Variants in CDH18 observed in about 807,000 individuals in gnomAD.
The protein encoded by CDH18 is cadherin 18, also known as cadherin-18.
Under a neutral mutation model 67.9 loss-of-function variants are expected in CDH18, and 31 were observed. The observed-to-expected ratio is 0.46, with a 90% CI of 0.34 to 0.62. CDH18 has a LOEUF of 0.62. CDH18 is among the 20% of genes least tolerant of loss of function. The pLI is 0.01. For missense variants in CDH18, 890 were observed against 975.5 expected (o/e 0.91, Z 1.17); for synonymous variants, 362 against 347.2 (o/e 1.04, Z -0.48).
intron 2 of CDH18, among the ~76,000 whole-genome samples, chr5:19,994,797 ACATGTGTGTCTCTGTGTG>A (rs1735830172): frequency 1.1e-5 from 1 of 92,638 alleles, no homozygotes; most frequent in Non-Finnish European, 2.1e-5. Context: ...AGAGAGATGT[ACATGTGTGTCTCTGTGTG>A]TATATATAAA....
chr5:20,343,924 G>T (rs1220314812), intron 1 of CDH18, among the ~76,000 whole-genome samples: 2 of 152,110 alleles, frequency 1.3e-5, no homozygotes, highest in Non-Finnish European at 2.9e-5. Context: ...ATAACCAAAA[G>T]AAACAGATTA....
intron 7 of CDH18, among the ~76,000 whole-genome samples, chr5:19,580,377 C>A (rs76670076): frequency 0.038 from 5,788 of 151,850 alleles, 322 homozygotes; most frequent in African/African-American, 0.12. Context: ...GGGCTGACAT[C>A]TTGTATTATA....
intron 10 of CDH18, among the ~76,000 whole-genome samples, chr5:19,504,159 A>T (rs902601359): frequency 2.2e-4 from 33 of 152,096 alleles, no homozygotes; most frequent in African/African-American, 8.0e-4. Flanking sequence ...AAAAGTACTG[A>T]GAAGTGGGGG....
chr5:20,276,073 C>A (rs1745788518), intron 1 of CDH18, among the ~76,000 whole-genome samples: 1 of 152,192 alleles, frequency 6.6e-6, no homozygotes, highest in Non-Finnish European at 1.5e-5. Context: ...ATAAATTGCT[C>A]TGAGGTTCTA....
At chr5:20,032,237 GTA>G (rs938628490) in intron 2 of CDH18, among the ~76,000 whole-genome samples, 77 of 149,948 alleles carry the variant, frequency 5.1e-4, no homozygotes, top group Non-Finnish European at 8.7e-4. Context: ...ATATGTGCAT[GTA>G]TATATATATA....
chr5:19,989,404 A>T (rs923921363), upstream of CDH18, among the ~76,000 whole-genome samples: 1 of 152,208 alleles, frequency 6.6e-6, no homozygotes, highest in Non-Finnish European at 1.5e-5. Context: ...TCTAAAGGCA[A>T]GAAGACGTGG....
At chr5:19,885,824 AGTT>A (rs1408739722) in intron 2 of CDH18, among the ~76,000 whole-genome samples, 4 of 152,184 alleles carry the variant, frequency 2.6e-5, no homozygotes, top group South Asian at 2.1e-4. Context: ...ATATGCAATG[AGTT>A]GTTATTGTTA....
At chr5:20,087,565 C>A (rs1160173240) in intron 2 of CDH18, among the ~76,000 whole-genome samples, 5 of 151,906 alleles carry the variant, frequency 3.3e-5, no homozygotes, top group African/African-American at 1.2e-4. Context: ...AAACACCATC[C>A]TTATCAGTCA....
intron 2 of CDH18, among the ~76,000 whole-genome samples, chr5:20,131,037 A>C (rs1214090612): frequency 6.6e-6 from 1 of 152,118 alleles, no homozygotes; most frequent in Non-Finnish European, 1.5e-5. Flanking sequence ...AATTACTTCA[A>C]AACAAAAATC....
intron 1 of CDH18, among the ~76,000 whole-genome samples, chr5:20,395,096 A>T (rs576732190): frequency 6.6e-6 from 1 of 152,284 alleles, no homozygotes; most frequent in South Asian, 2.1e-4. Context: ...CTGGGTATCT[A>T]CCCAAAGGAA....
At chr5:20,181,821 G>T (rs752430123) in intron 2 of CDH18, among the ~76,000 whole-genome samples, 19 of 152,138 alleles carry the variant, frequency 1.2e-4, no homozygotes, top group Admixed American at 5.2e-4. Context: ...CTAATCATAA[G>T]GCTGAAAAAT....
In CDH18 at chr5:20,427,953, G is replaced by A. The variant is rs112116150; in HGVS notation, c.-580+147509C>T. Among the ~76,000 whole-genome samples, 689 of 151,090 alleles carry A rather than the reference G, an allele frequency of 4.6e-3. 54 individuals carry two copies. Among genetic ancestry groups the A allele is most frequent in the African/African-American group, 0.017 (671 of 40,444 alleles). The stretch of plus-strand genomic sequence containing the variant: ...GTTTTTTTGTTTAATTTTACTTTAA[G>A]TTCTAGGATACATGTGCAGAACGTG... On this transcript the variant is annotated intron_variant, in intron 1 of 14. Transcript: ENST00000507958.
intron 2 of CDH18, among the ~76,000 whole-genome samples, chr5:19,974,033 G>A (rs1798271127): frequency 6.6e-6 from 1 of 152,082 alleles, no homozygotes; most frequent in Non-Finnish European, 1.5e-5. Context: ...AGAGATCATG[G>A]TGATTTGAAC....
chr5:20,168,439 A>C (rs1364710489), intron 2 of CDH18, among the ~76,000 whole-genome samples: 1 of 152,074 alleles, frequency 6.6e-6, no homozygotes, highest in African/African-American at 2.4e-5. Flanking sequence ...AATAAACATT[A>C]TTATTTAAAA....
At chr5:20,035,815 AC>A (rs1739812606) in intron 2 of CDH18, among the ~76,000 whole-genome samples, 1 of 152,062 alleles carries the variant, frequency 6.6e-6, no homozygotes, top group Non-Finnish European at 1.5e-5. Context: ...TGAGCTGGGC[AC>A]AAAACTCAAG....
At chr5:20,560,253 A>G (rs920318812) in intron 1 of CDH18, among the ~76,000 whole-genome samples, 1 of 152,076 alleles carries the variant, frequency 6.6e-6, no homozygotes, top group African/African-American at 2.4e-5. Context: ...TGACTTTTAA[A>G]CAGTCATGGA....
intron 2 of CDH18, among the ~76,000 whole-genome samples, chr5:20,109,307 GAC>G (rs1561797425): frequency 1.3e-5 from 2 of 152,304 alleles, no homozygotes; most frequent in Admixed American, 6.5e-5. Flanking sequence ...TCTGACGAGA[GAC>G]ACAGTCTCCA....
At chr5:19,654,053 A>G (rs950409669) in intron 5 of CDH18, among the ~76,000 whole-genome samples, 4 of 152,184 alleles carry the variant, frequency 2.6e-5, no homozygotes, top group South Asian at 2.1e-4. Context: ...CATACTTCTC[A>G]TCACAGGGAA....
chr5:19,819,840 A>G (rs575692491), intron 3 of CDH18, among the ~76,000 whole-genome samples: 150 of 152,230 alleles, frequency 9.9e-4, no homozygotes, highest in Non-Finnish European at 1.8e-3. Context: ...ACCATGGTGC[A>G]TCTGATTTAC....
Sources: allele counts gnomAD v4.1 joint callset (sites outside exome capture counted in the v4.1 genomes callset), GRCh38; gene constraint gnomAD v4.1.1; transcripts MANE v1.5; gene names NCBI Gene and HGNC (gene_info 2026-07-23, HGNC 2026-07-21).